The following RFX1 variants were observed in gnomAD, a reference collection of about 807,000 sequenced individuals.
RFX1 encodes regulatory factor X1.
Under a neutral mutation model 119.6 loss-of-function variants are expected in RFX1, and 42 were observed. The observed-to-expected ratio is 0.35, with a 90% CI of 0.27 to 0.45. RFX1 has a LOEUF of 0.45. Ranked by LOEUF, RFX1 falls within the 20% of genes least tolerant of loss-of-function variation. The pLI is 1.00. For synonymous variants in RFX1, 628 were observed against 618.5 expected (o/e 1.02, Z -0.23); for missense variants, 1,118 against 1,368.1 (o/e 0.82, Z 2.88).
Position 13,966,714 on chromosome 19 carries a change from G to A in RFX1, c.1770C>T (p.Asp590=). 1 of 1,611,038 alleles carries A rather than the reference G, an allele frequency of 6.2e-7. No homozygotes were observed. The highest frequency in any genetic ancestry group is 8.5e-7 in the Non-Finnish European group (1 of 1,178,944). The change falls in exon 13 of 21, where the codon GAC becomes GAT. Residue 590 remains aspartate (D), a synonymous_variant. Coordinates refer to ENST00000254325, the MANE Select transcript of RFX1 (RefSeq NM_002918.5). The surrounding 1 kb of genome is among the most constrained non-coding windows in gnomAD (Gnocchi z 6.3). ...CCTCAGGCAGCACCTTGCCCTGGAG[G>A]TCGAGCTCTGTGAAGTCAGGGAGGC... ...SRSLPDFTEL[D]LQGKVLPEGV...
chr19:13,978,192 C>A, intron 7 of RFX1, 106 bp from the exon 8 acceptor site: 1 of 768,502 alleles, frequency 1.3e-6, no homozygotes, highest in East Asian at 2.6e-5. Context: ...GCCCAGCTCC[C>A]GGACCCAAGG....
chr19:13,970,999 TA>T (rs111357702), intron 9 of RFX1, among the ~76,000 whole-genome samples: 5,788 of 141,052 alleles, frequency 0.041, 337 homozygotes, highest in African/African-American at 0.14. Flanking sequence ...AGATTCCTTC[TA>T]AAAAAAAAAA....
At position 13,963,115 on chromosome 19, in the gene RFX1, C is replaced by T; in HGVS notation, c.2724+7G>A. On this transcript the variant is annotated splice_region_variant and intron_variant, in intron 19 of 20. Transcript: ENST00000254325. Reference sequence around the variant, plus strand: ...CGCCCGCGCCCCCAGTGGCCCGCCTCGCGCACCTCGCCCATGACGGCGATG... The same window carrying T: ...CGCCCGCGCCCCCAGTGGCCCGCCTTGCGCACCTCGCCCATGACGGCGATG... 1 of 1,610,608 alleles carries T rather than the reference C, an allele frequency of 6.2e-7. No homozygotes were observed. The highest frequency in any genetic ancestry group is 8.5e-7 in the Non-Finnish European group (1 of 1,178,280).
chr19:14,003,784 G>C (rs1446039388), intron 1 of RFX1, among the ~76,000 whole-genome samples: 1 of 152,176 alleles, frequency 6.6e-6, no homozygotes, highest in African/African-American at 2.4e-5. Context: ...TTTCAAGTCA[G>C]CTTCAAATCA....
chr19:13,972,594 A>C, intron 9 of RFX1, 149 bp downstream of exon 9: 1 of 628,468 alleles, frequency 1.6e-6, no homozygotes, highest in Middle Eastern at 4.3e-4. Context: ...CACAGCATTC[A>C]ATCCCAGGAC....
intron 7 of RFX1, among the ~76,000 whole-genome samples, chr19:13,978,350 G>T (rs1383803336): frequency 6.6e-6 from 1 of 152,192 alleles, no homozygotes; most frequent in Admixed American, 6.5e-5. Context: ...CCCGAGACAG[G>T]GTCCTGTAGT....
intron 2 of RFX1, among the ~76,000 whole-genome samples, chr19:13,984,423 C>T (rs145511809): frequency 2.0e-5 from 3 of 152,122 alleles, no homozygotes; most frequent in Admixed American, 2.0e-4. Flanking sequence ...GGGGCCTTCG[C>T]GGGGCTGGGG....
chr19:13,987,194 G>A lies in RFX1; in HGVS notation c.320-3599C>T, dbSNP rs183708354. Among the ~76,000 whole-genome samples, 8 of 152,312 alleles carry A rather than the reference G, an allele frequency of 5.3e-5. No homozygotes were observed. The East Asian group carries it at 1.5e-3, about 29-fold the overall frequency. Reference sequence around the variant, plus strand: ...CCGGCTCGGTTTCACCTTCCCAGGAGTGGCTGCCAGAGCCCACAGCACTCT... The same window carrying A: ...CCGGCTCGGTTTCACCTTCCCAGGAATGGCTGCCAGAGCCCACAGCACTCT... On this transcript the variant is annotated intron_variant, in intron 2 of 20. Transcript: ENST00000254325.
In RFX1 at chr19:13,972,841, C is replaced by T. The variant is rs370992224; in HGVS notation, c.1216G>A (p.Gly406Ser). 2.2e-5 allele frequency: 35 copies of T among 1,582,732 alleles called. No individual in the cohort carries two copies. Among genetic ancestry groups the T allele is most frequent in the Admixed American group, 5.3e-5 (3 of 56,598 alleles). ...ACGTAGGTGCCTGCTCCGCTGCCGC[C>T]GCCTCCGGTGCTGCCACTGCCACCC... ...GGGGSGSTGGGGSGAGTYVIQ... is the reference protein window; with the variant it reads ...GGGGSGSTGGSGSGAGTYVIQ... Residue 406 changes from glycine to serine, a missense_variant, in exon 9 of 21, where the codon GGC (glycine) becomes AGC (serine). By Grantham distance (56) the Gly-to-Ser change is moderately conservative. Coordinates refer to ENST00000254325, the MANE Select transcript of RFX1 (RefSeq NM_002918.5).
At position 13,973,143 on chromosome 19, in the gene RFX1, A is replaced by T; in HGVS notation, c.930-16T>A. Reference sequence around the variant, plus strand: ...GCTGGAACGGCTGGGAAAGAGGCAAAGCCAAGGGAGAGTCAGGGGGATGAG... The same window carrying T: ...GCTGGAACGGCTGGGAAAGAGGCAATGCCAAGGGAGAGTCAGGGGGATGAG... On this transcript the variant is annotated splice_polypyrimidine_tract_variant and intron_variant, in intron 8 of 20. Coordinates refer to ENST00000254325, the MANE Select transcript of RFX1 (RefSeq NM_002918.5). 3 of 1,350,588 alleles carry T rather than the reference A, an allele frequency of 2.2e-6. No homozygotes were observed. The highest frequency in any genetic ancestry group is 2.9e-6 in the Non-Finnish European group (3 of 1,026,318). 83.7% of individuals were successfully genotyped at this position (1,350,588 alleles called of 1,614,324 possible).
rs1005923216 is a variant in RFX1, at chr19:13,985,291, C to A, written c.320-1696G>T. Among the ~76,000 whole-genome samples, 3 of 152,098 alleles carry A rather than the reference C, an allele frequency of 2.0e-5. No homozygotes were observed. The highest frequency in any genetic ancestry group is 7.2e-5 in the African/African-American group (3 of 41,396). The stretch of plus-strand genomic sequence containing the variant: ...CTCCCGGTTCAAGTGATTCTCCTGC[C>A]TCAACCCACTGAGTAGCTAGGACTG... On this transcript the variant is annotated intron_variant, in intron 2 of 20. Coordinates refer to ENST00000254325, the MANE Select transcript of RFX1 (RefSeq NM_002918.5). The surrounding 1 kb of genome is among the most constrained non-coding windows in gnomAD (Gnocchi z 4.3).
chr19:13,989,565 G>C (rs1974733885), intron 2 of RFX1, among the ~76,000 whole-genome samples: 1 of 152,006 alleles, frequency 6.6e-6, no homozygotes, highest in African/African-American at 2.4e-5. Context: ...CAGACAGACA[G>C]ACAGACAGAC....
intron 1 of RFX1, among the ~76,000 whole-genome samples, chr19:14,005,417 A>AT (rs1196166626): frequency 6.6e-6 from 1 of 152,194 alleles, no homozygotes; most frequent in Non-Finnish European, 1.5e-5. Flanking sequence ...GCTGACAGTT[A>AT]TTTTATCAAA....
chr19:13,983,456 C>T (rs373048050), intron 3 of RFX1, 30 bp downstream of exon 3: 10 of 1,545,272 alleles, frequency 6.5e-6, no homozygotes, highest in Admixed American at 1.9e-5. Flanking sequence ...CCCGGGCCCT[C>T]CCCCACCCCC....
At position 13,973,127 on chromosome 19, in the gene RFX1, G is replaced by T. The variant is rs746876866; in HGVS notation, c.930C>A (p.Ile310=). Residue 310 remains isoleucine, a splice_region_variant and synonymous_variant, in exon 9 of 21, where the codon ATC becomes ATA. Coordinates refer to ENST00000254325, the MANE Select transcript of RFX1 (RefSeq NM_002918.5). ...GGDASYTASA[I]RSSTYSYPET... is the part of the protein sequence containing the mutation. The stretch of plus-strand genomic sequence containing the variant: ...CGGGATAGGAGTAGGTGCTGGAACG[G>T]CTGGGAAAGAGGCAAAGCCAAGGGA... 3 of 1,558,790 alleles carry T rather than the reference G, an allele frequency of 1.9e-6. No individual in the cohort carries two copies. The highest frequency in any genetic ancestry group is 1.7e-5 in the Admixed American group (1 of 58,720).
Position 13,993,876 on chromosome 19 carries a change from C to T in RFX1, c.-33G>A. 4 of 1,251,408 alleles carry T rather than the reference C, an allele frequency of 3.2e-6. No individual in the cohort carries two copies. The highest frequency in any genetic ancestry group is 2.1e-6 in the Non-Finnish European group (2 of 932,610). 77.5% of individuals were successfully genotyped at this position (1,251,408 alleles called of 1,614,324 possible). ...GTGGGGAAAATGATAATAAATAAGG[C>T]TTTTTTTTTTTTTTAATTCCTTGGG... On this transcript the variant is annotated 5_prime_UTR_variant, in exon 2 of 21. Transcript: ENST00000254325.
chr19:13,992,563 C>G (rs1974841642), intron 2 of RFX1, among the ~76,000 whole-genome samples: 2 of 152,192 alleles, frequency 1.3e-5, no homozygotes, highest in Admixed American at 1.3e-4. Context: ...GGCGGCTGCT[C>G]TAGGAAGGGG....
intron 18 of RFX1, 108 bp from the exon 19 acceptor site, chr19:13,963,383 C>A: frequency 1.4e-6 from 2 of 1,458,632 alleles, no homozygotes; most frequent in Non-Finnish European, 9.2e-7. Flanking sequence ...GTGACTCAGG[C>A]TGGATCCCGC....
At chr19:14,001,036 A>C (rs1975199405) in intron 1 of RFX1, among the ~76,000 whole-genome samples, 1 of 152,184 alleles carries the variant, frequency 6.6e-6, no homozygotes, top group South Asian at 2.1e-4. Flanking sequence ...CAGAGGTTGC[A>C]GTGAGCCTCT....
Sources: gnomAD v4.1 joint callset for allele counts (sites outside exome capture counted in the v4.1 genomes callset) on GRCh38, gnomAD v4.1.1 for gene constraint, Gnocchi (gnomAD v3.1) non-coding constraint, MANE v1.5 for transcripts, NCBI Gene and HGNC (gene_info 2026-07-23, HGNC 2026-07-21) for gene names.